The following DNMT1 variants were observed in gnomAD, a reference collection of about 807,000 sequenced individuals.
DNMT1 encodes the protein DNA (cytosine-5)-methyltransferase 1.
DNMT1 carries 24 observed loss-of-function variants against 205.3 expected under a neutral mutation model. The observed-to-expected ratio is 0.12, with a 90% CI of 0.08 to 0.16. DNMT1 has a LOEUF of 0.16. Ranked by LOEUF, DNMT1 falls within the 10% of genes least tolerant of loss-of-function variation. The pLI is 1.00. For synonymous variants in DNMT1, 817 were observed against 839.8 expected (o/e 0.97, Z 0.47); for missense variants, 1,293 against 2,177.7 (o/e 0.59, Z 8.09).
rs947033202 is a variant in DNMT1 at position 10,171,085 on chromosome 19, G to A, written c.768+2005C>T. On this transcript the variant is annotated intron_variant, in intron 9 of 40. Transcript: ENST00000359526. The stretch of plus-strand genomic sequence containing the variant: ...GGCCTCCCAAAATGCTAGAATTACA[G>A]GCATGAGCCACCACACCCGGCCCTC... Among the ~76,000 whole-genome samples, 3 of 152,150 alleles carry A rather than the reference G, an allele frequency of 2.0e-5. No homozygotes were observed. In the South Asian group the frequency reaches 6.2e-4, roughly 32 times the overall value.
chr19:10,167,385 C>T (rs1363175223), intron 10 of DNMT1, among the ~76,000 whole-genome samples: 2 of 151,934 alleles, frequency 1.3e-5, no homozygotes, highest in Admixed American at 6.6e-5. Context: ...TTATTAGAGA[C>T]GGGGTTTCAC....
chr19:10,162,085 G>A (rs1023406674), intron 13 of DNMT1, among the ~76,000 whole-genome samples: 3 of 150,820 alleles, frequency 2.0e-5, no homozygotes, highest in Non-Finnish European at 4.4e-5. Flanking sequence ...CAGGTGATGC[G>A]CCTGCCTTGG....
chr19:10,146,516 A>G lies in DNMT1; in HGVS notation c.2729T>C (p.Val910Ala). The stretch of plus-strand genomic sequence containing the variant: ...CATCTCAGCCAGACGGGCACAGCTC[A>G]CACAGAATCTGAAGGAAACAAAGGG... The part of the protein sequence containing the change: ...PTEDNKFKFC[V>A]SCARLAEMRQ... Residue 910 changes from valine (V) to alanine (A), a missense_variant, in exon 28 of 41, where the codon GTG (valine) becomes GCG (alanine). Transcript: ENST00000359526. This position sits in a 1 kb window ranked among gnomAD's most constrained non-coding sequence, Gnocchi z 4.4. 6.2e-7 allele frequency: 1 copy of G among 1,614,118 alleles called. No individual in the cohort carries two copies.
At position 10,182,044 on chromosome 19, in the gene DNMT1, T is replaced by C; in HGVS notation, c.114A>G (p.Glu38=). The change falls in exon 2 of 41, where the codon GAA becomes GAG. Residue 38 remains glutamate (E), a synonymous_variant. Coordinates refer to ENST00000359526, the MANE Select transcript of DNMT1 (RefSeq NM_001130823.3). ...AAAATTTTAAGGTGGAGATTACCTT[T>C]TCTGTTAAGCTGTCTCTTTCCAAAT... ...LKDLERDSLT[E]KECVKEKLNL... 1 of 1,613,316 alleles carries C rather than the reference T, an allele frequency of 6.2e-7. No homozygotes were observed. The highest frequency in any genetic ancestry group is 1.1e-5 in the South Asian group (1 of 91,022).
rs375300708 is a variant in DNMT1, at chr19:10,138,591, G to A, written c.3963C>T (p.Gly1321=). The stretch of plus-strand genomic sequence containing the variant: ...TGGCCCGCCTCCTAGTCTGGGCCAC[G>A]CCGTACTGACCGGCCTGTGGGGGAG... ...TFGVLQAGQY[G]VAQTRRRAII... Residue 1321 remains glycine (G), a synonymous_variant, in exon 35 of 41, where the codon GGC becomes GGT. Coordinates refer to ENST00000359526, the MANE Select transcript of DNMT1 (RefSeq NM_001130823.3). This position sits in a 1 kb window ranked among gnomAD's most constrained non-coding sequence, Gnocchi z 4.1. The A allele has an allele frequency of 6.9e-6, 11 of 1,605,204 alleles. No homozygotes were observed. The highest frequency in any genetic ancestry group is 2.2e-5 in the South Asian group (2 of 91,068).
At chr19:10,141,417 GC>G (rs2089598665) in intron 30 of DNMT1, 2 of 549,710 alleles carry the variant, frequency 3.6e-6, no homozygotes, top group Non-Finnish European at 6.6e-6. Context: ...CCTATTACAA[GC>G]ACTTGAGAGT....
At position 10,154,314 on chromosome 19, in the gene DNMT1, G is replaced by A; in HGVS notation, c.1998C>T (p.Arg666=). The A allele has an allele frequency of 6.2e-7, 1 of 1,614,158 alleles. No homozygotes were observed. Among genetic ancestry groups the A allele is most frequent in the Non-Finnish European group, 8.5e-7 (1 of 1,180,002 alleles). Residue 666 remains arginine, a synonymous_variant, in exon 22 of 41, where the codon CGC becomes CGT. Transcript: ENST00000359526. The surrounding 1 kb of genome is among the most constrained non-coding windows in gnomAD (Gnocchi z 6.3). ...DREDKENAFK[R]RRCGVCEVCQ... ...TTACCTCACAGACGCCACATCGCCG[G>A]CGCTTAAAGGCGTTCTCCTTGTCTT...
At chr19:10,161,260 G>A (rs531984777) in intron 13 of DNMT1, among the ~76,000 whole-genome samples, 14 of 152,080 alleles carry the variant, frequency 9.2e-5, no homozygotes, top group African/African-American at 2.9e-4. Flanking sequence ...AGCCGATGTC[G>A]CACCACTGTA....
Position 10,142,061 on chromosome 19 carries a change from G to A in DNMT1, c.3276C>T (p.Ser1092=), listed in dbSNP as rs1488717103. Residue 1092 remains serine, a synonymous_variant, in exon 30 of 41, where the codon TCC becomes TCT. Coordinates refer to ENST00000359526, the MANE Select transcript of DNMT1 (RefSeq NM_001130823.3). The stretch of plus-strand genomic sequence containing the variant: ...AGTAGAAGCGGTTGGGGCCGCCCAT[G>A]GAGTACACCTGGACGCACTCGGGCA... The part of the protein sequence containing the change: ...EDLPECVQVY[S]MGGPNRFYFL... 1 of 1,611,320 alleles carries A rather than the reference G, an allele frequency of 6.2e-7. No individual in the cohort carries two copies.
rs570668263 is a variant in DNMT1, at chr19:10,138,125, C to G, written c.4116-116G>C. ...CTTCTCCCGAGATCACAGCACTGCC[C>G]GAGGTCACATGGGTGGCAGTGTGCC... is the stretch of plus-strand genomic sequence containing the variant. On this transcript the variant is annotated intron_variant, in intron 35 of 40. Transcript: ENST00000359526. This position sits in a 1 kb window ranked among gnomAD's most constrained non-coding sequence, Gnocchi z 4.1. The G allele has an allele frequency of 7.6e-7, 1 of 1,315,332 alleles. No individual in the cohort carries two copies. The highest frequency in any genetic ancestry group is 1.5e-5 in the African/African-American group (1 of 68,758). 81.5% of individuals were successfully genotyped at this position (1,315,332 alleles called of 1,614,324 possible).
In DNMT1 at chr19:10,146,941, A is replaced by G. The variant is rs1169472326; in HGVS notation, c.2721-417T>C. On this transcript the variant is annotated intron_variant, in intron 27 of 40. Transcript: ENST00000359526. The surrounding 1 kb of genome is among the most constrained non-coding windows in gnomAD (Gnocchi z 4.4). ...TTATTCTTGACTAGTAAGCCCTTAA[A>G]GGAGACTTGAAGATGGCCTTAAAAA... 6.6e-6 allele frequency among the ~76,000 whole-genome samples: 1 copy of G among 152,176 alleles called. No individual in the cohort carries two copies. Among genetic ancestry groups the G allele is most frequent in the African/African-American group, 2.4e-5 (1 of 41,452 alleles).
chr19:10,141,635 C>T (rs997928907), intron 30 of DNMT1: 15 of 335,882 alleles, frequency 4.5e-5, no homozygotes, highest in African/African-American at 3.0e-4. Flanking sequence ...TGGGCTGGGC[C>T]TGGACGTAGG....
intron 13 of DNMT1, among the ~76,000 whole-genome samples, chr19:10,162,321 A>G (rs1277172036): frequency 6.6e-6 from 1 of 151,654 alleles, no homozygotes; most frequent in Non-Finnish European, 1.5e-5. Flanking sequence ...CTGTGTCCCC[A>G]GCCTGGAGTG....
chr19:10,152,193 A>G (rs1383861544), intron 22 of DNMT1, among the ~76,000 whole-genome samples: 1 of 149,012 alleles, frequency 6.7e-6, no homozygotes, highest in Non-Finnish European at 1.5e-5. Context: ...AAAAAAAGGA[A>G]AAAAAAAGGG....
chr19:10,137,073 T>A lies in DNMT1; in HGVS notation c.4489+12A>T. The A allele has an allele frequency of 6.2e-7, 1 of 1,610,642 alleles. No individual in the cohort carries two copies. The highest frequency in any genetic ancestry group is 8.5e-7 in the Non-Finnish European group (1 of 1,179,098). On this transcript the variant is annotated intron_variant, in intron 37 of 40. Transcript: ENST00000359526. The surrounding 1 kb of genome is among the most constrained non-coding windows in gnomAD (Gnocchi z 6.4). The stretch of plus-strand genomic sequence containing the variant: ...CCTCAGCCCACCGGGAACCACAACT[T>A]ACAGGACCCACCTTCCACGCAGGAG...
At chr19:10,189,831 G>A (rs1294202490) in intron 1 of DNMT1, among the ~76,000 whole-genome samples, 2 of 152,070 alleles carry the variant, frequency 1.3e-5, no homozygotes, top group African/African-American at 4.8e-5. Context: ...CATCCCCACT[G>A]TACACACAGT....
chr19:10,162,636 A>AG (rs1568240433), intron 13 of DNMT1, 31 bp downstream of exon 13: 37 of 1,572,368 alleles, frequency 2.4e-5, no homozygotes, highest in Non-Finnish European at 3.0e-5. Context: ...AAAAAAAAAA[A>AG]AAAAGAAAGA....
chr19:10,179,871 T>C (rs1424834840), intron 5 of DNMT1: 1 of 173,358 alleles, frequency 5.8e-6, no homozygotes, highest in East Asian at 1.6e-4. Context: ...CCGCCTGTAA[T>C]ACTAGCTACT....
chr19:10,140,971 A>G lies in DNMT1; in HGVS notation c.3395-62T>C. The G allele has an allele frequency of 6.2e-7, 1 of 1,613,732 alleles. No individual in the cohort carries two copies. Among genetic ancestry groups the G allele is most frequent in the Admixed American group, 1.7e-5 (1 of 60,020 alleles). On this transcript the variant is annotated intron_variant, in intron 31 of 40. Transcript: ENST00000359526. This position sits in a 1 kb window ranked among gnomAD's most constrained non-coding sequence, Gnocchi z 8.4. ...AGAGTCCAAGTCCACCTTGCTCTCA[A>G]GCGCCTTGTTAACTCAGGCGGCCTC...
Sources: gnomAD v4.1 joint callset for allele counts (sites outside exome capture counted in the v4.1 genomes callset) on GRCh38, gnomAD v4.1.1 for gene constraint, Gnocchi (gnomAD v3.1) non-coding constraint, MANE v1.5 for transcripts, NCBI Gene and HGNC (gene_info 2026-07-23, HGNC 2026-07-21) for gene names.